STXBP6: variants seen among roughly 807,000 people sequenced by gnomAD.
STXBP6 encodes the protein syntaxin-binding protein 6.
In STXBP6, 21 loss-of-function variants were observed where a neutral mutation model predicts 26.9. The ratio of observed to expected loss-of-function variants is 0.78; its 90% confidence interval spans 0.55 to 1.12. The LOEUF is 1.12. Among genes scored for constraint, STXBP6 ranks in the 50% most tolerant of loss-of-function variants. The pLI, the probability that STXBP6 is intolerant of heterozygous loss-of-function variation, is 0.00. For missense variants in STXBP6, 232 were observed against 257.9 expected (o/e 0.90, Z 0.69); for synonymous variants, 97 against 92.6 (o/e 1.05, Z -0.27).
intron 1 of STXBP6, among the ~76,000 whole-genome samples, chr14:25,031,039 T>C (rs2075444693): frequency 6.6e-6 from 1 of 152,104 alleles, no homozygotes. Context: ...AGACCAGACA[T>C]AAAATATTGG....
chr14:24,870,888 T>A (rs921333062), intron 2 of STXBP6, among the ~76,000 whole-genome samples: 5 of 152,152 alleles, frequency 3.3e-5, no homozygotes, highest in Non-Finnish European at 5.9e-5. Context: ...CACAACAAGT[T>A]CACATTCAGA....
rs139958056 is a variant in STXBP6 at position 25,026,779 on chromosome 14, G to C, written c.-33+23099C>G. Among the ~76,000 whole-genome samples, 381 of 152,178 alleles carry C rather than the reference G, an allele frequency of 2.5e-3. 9 individuals carry two copies. Among genetic ancestry groups the C allele is most frequent in the East Asian group, 1.5e-3 (8 of 5,172 alleles). On this transcript the variant is annotated intron_variant, in intron 1 of 5. Transcript: ENST00000323944. The stretch of plus-strand genomic sequence containing the variant: ...CACACACCCAAACAGCAGCAGACAG[G>C]TAATAAAGTATTCTGAGAAAAAGAG...
At chr14:24,872,338 C>T (rs560780741) in intron 2 of STXBP6, among the ~76,000 whole-genome samples, 275 of 152,208 alleles carry the variant, frequency 1.8e-3, no homozygotes, top group Non-Finnish European at 3.0e-3. Flanking sequence ...ATAAGATAAC[C>T]GGCCACAGTT....
At chr14:24,914,394 CT>C (rs2071682562) in intron 2 of STXBP6, among the ~76,000 whole-genome samples, 1 of 152,024 alleles carries the variant, frequency 6.6e-6, no homozygotes, top group Non-Finnish European at 1.5e-5. Flanking sequence ...TTTTATTTTA[CT>C]TTTTTTAAAA....
At position 25,018,472 on chromosome 14, in the gene STXBP6, G is replaced by T. The variant is rs2075200313; in HGVS notation, c.-33+31406C>A. 2.0e-5 allele frequency among the ~76,000 whole-genome samples: 3 copies of T among 152,134 alleles called. No individual in the cohort carries two copies. The East Asian group carries it at 5.8e-4, about 29-fold the overall frequency. ...GGGGTAATATAATAAAATATCAGGGGGCCCCAAACCTCTATATTCTATGCC... is the reference window on the plus strand; with the variant it reads ...GGGGTAATATAATAAAATATCAGGGTGCCCCAAACCTCTATATTCTATGCC... On this transcript the variant is annotated intron_variant, in intron 1 of 5. Coordinates refer to ENST00000323944, the MANE Select transcript of STXBP6 (RefSeq NM_001394410.1).
intron 2 of STXBP6, among the ~76,000 whole-genome samples, chr14:24,911,551 C>T (rs1041602340): frequency 6.6e-6 from 1 of 152,146 alleles, no homozygotes; most frequent in African/African-American, 2.4e-5. Context: ...TAGATACCAG[C>T]TTCTCAAAGT....
intron 1 of STXBP6, among the ~76,000 whole-genome samples, chr14:25,028,112 T>G (rs1220689439): frequency 6.6e-6 from 1 of 152,236 alleles, no homozygotes; most frequent in African/African-American, 2.4e-5. Flanking sequence ...CAGCAAGTTA[T>G]GCGGATGATC....
At chr14:24,950,273 T>C (rs2073118387) in intron 2 of STXBP6, among the ~76,000 whole-genome samples, 2 of 152,144 alleles carry the variant, frequency 1.3e-5, no homozygotes, top group Non-Finnish European at 2.9e-5. Flanking sequence ...ATCTGTTTGG[T>C]ATTATACACA....
At chr14:24,826,828 T>C (rs1386279356) in intron 4 of STXBP6, among the ~76,000 whole-genome samples, 2 of 152,186 alleles carry the variant, frequency 1.3e-5, no homozygotes, top group Non-Finnish European at 2.9e-5. Context: ...TTGCCAAATA[T>C]CAACTATGTG....
chr14:25,036,148 C>T (rs1271933756), intron 1 of STXBP6, among the ~76,000 whole-genome samples: 2 of 140,924 alleles, frequency 1.4e-5, no homozygotes, highest in South Asian at 2.3e-4. Flanking sequence ...ACCCGGGAGA[C>T]GGAGGTTACA....
rs903943661 is a variant in STXBP6, at chr14:24,824,643, A to G, written c.452-5449T>C. On this transcript the variant is annotated intron_variant, in intron 4 of 5. Coordinates refer to ENST00000323944, the MANE Select transcript of STXBP6 (RefSeq NM_001394410.1). Reference sequence around the variant, plus strand: ...CTCTTTTAAGATGGAGATTCTTCCAAAAAGTTAAATTTCATCCATACTTTT... The same window carrying G: ...CTCTTTTAAGATGGAGATTCTTCCAGAAAGTTAAATTTCATCCATACTTTT... Among the ~76,000 whole-genome samples, 8 of 152,330 alleles carry G rather than the reference A, an allele frequency of 5.3e-5. 2 individuals are homozygous for G. The highest frequency in any genetic ancestry group is 3.9e-4 in the Admixed American group (6 of 15,302).
intron 4 of STXBP6, among the ~76,000 whole-genome samples, chr14:24,855,696 A>C (rs773207782): frequency 6.6e-6 from 1 of 152,132 alleles, no homozygotes; most frequent in Non-Finnish European, 1.5e-5. Flanking sequence ...CTAAGTGCAG[A>C]TAAGAACTAG....
At chr14:25,046,205 G>A (rs1033340514) in intron 1 of STXBP6, among the ~76,000 whole-genome samples, 2 of 152,190 alleles carry the variant, frequency 1.3e-5, no homozygotes, top group African/African-American at 2.4e-5. Context: ...TGCCCTCAAA[G>A]CAGGGGTAAC....
At chr14:24,850,607 C>T (rs376393468) in intron 4 of STXBP6, among the ~76,000 whole-genome samples, 1 of 152,122 alleles carries the variant, frequency 6.6e-6, no homozygotes, top group African/African-American at 2.4e-5. Context: ...CAACTGCTAA[C>T]CATCCTTTAA....
At chr14:24,860,241 A>G (rs1183579547) in intron 2 of STXBP6, among the ~76,000 whole-genome samples, 1 of 152,200 alleles carries the variant, frequency 6.6e-6, no homozygotes, top group African/African-American at 2.4e-5. Context: ...GCCTGTGCCC[A>G]ATCAGAGAAT....
chr14:24,814,221 CAT>C (rs2138673010), intron 5 of STXBP6, among the ~76,000 whole-genome samples: 1 of 152,318 alleles, frequency 6.6e-6, no homozygotes, highest in Admixed American at 6.5e-5. Context: ...GTCCAGGAAA[CAT>C]ATAGTCCAGG....
intron 2 of STXBP6, among the ~76,000 whole-genome samples, chr14:24,918,748 A>G (rs1178900276): frequency 6.6e-6 from 1 of 152,064 alleles, no homozygotes; most frequent in Non-Finnish European, 1.5e-5. Flanking sequence ...CTAGAACACA[A>G]CTGATTGTTG....
intron 4 of STXBP6, among the ~76,000 whole-genome samples, chr14:24,824,398 G>C (rs114995626): frequency 6.7e-4 from 102 of 152,250 alleles, no homozygotes; most frequent in African/African-American, 2.4e-3. Flanking sequence ...ATATTTTATA[G>C]ATGAATAATA....
intron 4 of STXBP6, among the ~76,000 whole-genome samples, chr14:24,823,325 G>T (rs1055813737): frequency 3.9e-5 from 6 of 152,116 alleles, no homozygotes; most frequent in African/African-American, 1.2e-4. Context: ...AGAAAAAAGA[G>T]TAAAGTATAT....
Sources: gnomAD v4.1 joint callset for allele counts (sites outside exome capture counted in the v4.1 genomes callset) on GRCh38, gnomAD v4.1.1 for gene constraint, MANE v1.5 for transcripts, NCBI Gene and HGNC (gene_info 2026-07-23, HGNC 2026-07-21) for gene names.